TLN2: variants seen among roughly 807,000 people sequenced by gnomAD.
The protein encoded by TLN2 is talin-2.
In TLN2, 118 loss-of-function variants were observed where a neutral mutation model predicts 294.7. That is an observed-to-expected ratio of 0.40 (90% confidence interval 0.34 to 0.47). The LOEUF (loss-of-function observed/expected upper bound fraction) is 0.47, where lower values mean the gene tolerates loss of function less well. Ranked by LOEUF, TLN2 falls within the 20% of genes least tolerant of loss-of-function variation. The pLI is 0.84. For synonymous variants in TLN2, 1,431 were observed against 1,304.5 expected, an observed-to-expected ratio of 1.10 and a Z score of -2.09; for missense variants, 3,083 against 3,282.2, an observed-to-expected ratio of 0.94 and a Z score of 1.48.
intron 1 of TLN2, among the ~76,000 whole-genome samples, chr15:62,466,950 A>AATGAGATTTCAGC (rs1190424403): frequency 2.0e-5 from 3 of 152,250 alleles, no homozygotes; most frequent in Admixed American, 6.5e-5. Context: ...TCCAAAAGCC[A>AATGAGATTTCAGC]ATGAGATTTC....
At chr15:62,433,661 GCC>G (rs2035137986) in intron 1 of TLN2, among the ~76,000 whole-genome samples, 1 of 152,012 alleles carries the variant, frequency 6.6e-6, no homozygotes, top group African/African-American at 2.4e-5. Context: ...GTACATAAGG[GCC>G]CCTGTTCTGG....
chr15:62,784,637 A>G (rs2064485882), intron 45 of TLN2: 2 of 152,254 alleles, frequency 1.3e-5, no homozygotes, highest in Admixed American at 1.3e-4. Flanking sequence ...TATCAGTGTG[A>G]ACACATAGAA....
At chr15:62,516,369 T>C (rs1197315803) in intron 1 of TLN2, among the ~76,000 whole-genome samples, 1 of 152,214 alleles carries the variant, frequency 6.6e-6, no homozygotes, top group African/African-American at 2.4e-5. Flanking sequence ...GTTTTCAGTG[T>C]TTTTATATGG....
rs1206641967 is a variant in TLN2 at position 62,835,877 on chromosome 15, T to A, written c.7192-14T>A. 3 of 1,614,096 alleles carry A rather than the reference T, an allele frequency of 1.9e-6. No homozygotes were observed. The highest frequency in any genetic ancestry group is 2.5e-6 in the Non-Finnish European group (3 of 1,180,034). Reference sequence around the variant, plus strand: ...GTTTGGGCCTTGGGTCACTTCTCCGTTGACTGTCCCCAGGCCCGGATGGTG... The same window carrying A: ...GTTTGGGCCTTGGGTCACTTCTCCGATGACTGTCCCCAGGCCCGGATGGTG... On this transcript the variant is annotated splice_polypyrimidine_tract_variant and intron_variant, in intron 56 of 58. Coordinates refer to ENST00000636159, the MANE Select transcript of TLN2 (RefSeq NM_015059.3).
chr15:62,763,651 G>A lies in TLN2; in HGVS notation c.5050G>A (p.Ala1684Thr), dbSNP rs1229909392. 26 of 1,612,718 alleles carry A rather than the reference G, an allele frequency of 1.6e-5. No homozygotes were observed. Among genetic ancestry groups the A allele is most frequent in the African/African-American group, 2.7e-5 (2 of 74,930 alleles). Residue 1684 changes from alanine (A) to threonine (T), a missense_variant, in exon 40 of 59, where the codon GCC (alanine) becomes ACC (threonine). Transcript: ENST00000636159. ...IRDIEQASLA[A>T]VSQSLATRDD... The stretch of plus-strand genomic sequence containing the variant: ...GGACATCGAGCAGGCCTCGCTGGCC[G>A]CCGTCAGCCAGAGCCTGGCCACGAG...
intron 44 of TLN2, 101 bp downstream of exon 44, chr15:62,781,342 A>G: frequency 1.1e-6 from 1 of 872,430 alleles, no homozygotes; most frequent in South Asian, 1.5e-5. Flanking sequence ...GAGAGAGCCC[A>G]GACCACTCTC....
intron 1 of TLN2, among the ~76,000 whole-genome samples, chr15:62,518,872 A>G (rs1053150514): frequency 6.6e-6 from 1 of 152,168 alleles, no homozygotes; most frequent in African/African-American, 2.4e-5. Context: ...TGCAGGGATT[A>G]TAGGAGTGAG....
At position 62,505,383 on chromosome 15, in the gene TLN2, T is replaced by C. The variant is rs552639405; in HGVS notation, c.-237-84304T>C. ...CACACTGTGCTGATGAAGAGTTGTC[T>C]TAAATCTGGCTTACATTGATTTAAA... On this transcript the variant is annotated intron_variant, in intron 1 of 58. Transcript: ENST00000636159. 1.8e-4 allele frequency among the ~76,000 whole-genome samples: 28 copies of C among 152,358 alleles called. No homozygotes were observed. The South Asian group carries it at 5.4e-3, about 29-fold the overall frequency.
At chr15:62,440,558 G>A (rs752485662) in intron 1 of TLN2, among the ~76,000 whole-genome samples, 7 of 152,146 alleles carry the variant, frequency 4.6e-5, no homozygotes, top group Admixed American at 2.0e-4. Flanking sequence ...CAGGGAGGAC[G>A]GTGCTGACTG....
chr15:62,704,808 C>T (rs1452162222), intron 19 of TLN2, among the ~76,000 whole-genome samples: 2 of 152,224 alleles, frequency 1.3e-5, no homozygotes, highest in African/African-American at 4.8e-5. Context: ...TATCCCCAAA[C>T]TGCCCTTGCA....
chr15:62,690,261 C>T (rs1166513479), intron 12 of TLN2: 6 of 161,932 alleles, frequency 3.7e-5, no homozygotes, highest in Admixed American at 1.3e-4. Flanking sequence ...GACAGGGCGG[C>T]TGCCGGGCGG....
intron 1 of TLN2, among the ~76,000 whole-genome samples, chr15:62,488,852 T>A (rs2038550850): frequency 6.6e-6 from 1 of 152,132 alleles, no homozygotes; most frequent in Non-Finnish European, 1.5e-5. Flanking sequence ...AAGATACACA[T>A]GCCGTGAATG....
intron 1 of TLN2, among the ~76,000 whole-genome samples, chr15:62,493,783 G>A (rs570727854): frequency 6.6e-6 from 1 of 152,050 alleles, no homozygotes; most frequent in Admixed American, 6.5e-5. Flanking sequence ...GCTAGTTTTT[G>A]TATTTTTGGT....
intron 1 of TLN2, among the ~76,000 whole-genome samples, chr15:62,459,383 A>G (rs190646020): frequency 6.7e-4 from 101 of 151,632 alleles, no homozygotes; most frequent in African/African-American, 2.3e-3. Flanking sequence ...GAATAGGATG[A>G]CAAAATAAGA....
chr15:62,553,794 A>G (rs1457558867), intron 1 of TLN2, among the ~76,000 whole-genome samples: 42 of 152,216 alleles, frequency 2.8e-4, no homozygotes, highest in Admixed American at 2.8e-3. Context: ...TTAGGTGGAA[A>G]AATGCTTCCT....
chr15:62,549,220 T>G (rs566087352), intron 1 of TLN2, among the ~76,000 whole-genome samples: 9 of 152,308 alleles, frequency 5.9e-5, no homozygotes, highest in African/African-American at 2.2e-4. Context: ...TTACTTAAGA[T>G]TCTTCTGTTC....
At chr15:62,442,714 AAAATC>A (rs1427068496) in intron 1 of TLN2, among the ~76,000 whole-genome samples, 2 of 152,184 alleles carry the variant, frequency 1.3e-5, no homozygotes, top group African/African-American at 4.8e-5. Context: ...CCTTCAAAAT[AAAATC>A]AAAACAGAAA....
chr15:62,717,365 C>T (rs2059845612), intron 23 of TLN2, among the ~76,000 whole-genome samples: 1 of 152,136 alleles, frequency 6.6e-6, no homozygotes, highest in South Asian at 2.1e-4. Flanking sequence ...TTCAAGCGTG[C>T]CTGTCTTTGT....
rs1195458577 is a variant in TLN2, at chr15:62,698,749, T to C, written c.1474-5T>C. The C allele has an allele frequency of 6.2e-7, 1 of 1,608,524 alleles. No homozygotes were observed. The highest frequency in any genetic ancestry group is 8.5e-7 in the Non-Finnish European group (1 of 1,179,662). ...ATGACAGCTTTGTTTCATTTGCCTTTGCAGACCTCAGCCCAGCAGGCCCTG... is the reference window on the plus strand; with the variant it reads ...ATGACAGCTTTGTTTCATTTGCCTTCGCAGACCTCAGCCCAGCAGGCCCTG... On this transcript the variant is annotated splice_polypyrimidine_tract_variant and splice_region_variant and intron_variant, in intron 15 of 58. Coordinates refer to ENST00000636159, the MANE Select transcript of TLN2 (RefSeq NM_015059.3).
Sources: allele counts gnomAD v4.1 joint callset (sites outside exome capture counted in the v4.1 genomes callset), GRCh38; gene constraint gnomAD v4.1.1; transcripts MANE v1.5; gene names NCBI Gene and HGNC (gene_info 2026-07-23, HGNC 2026-07-21).